The following TP53TG5 variants were observed in gnomAD, a reference collection of about 807,000 sequenced individuals.
The protein encoded by TP53TG5 is TP53-target gene 5 protein.
In TP53TG5, 17 loss-of-function variants were observed where a neutral mutation model predicts 30.0. That is an observed-to-expected ratio of 0.57 (90% confidence interval 0.39 to 0.85). The LOEUF (loss-of-function observed/expected upper bound fraction) is 0.85, where lower values mean the gene tolerates loss of function less well. TP53TG5 is among the 40% of genes least tolerant of loss of function. The probability of loss-of-function intolerance (pLI) is 0.00; values close to 1 mark genes in which losing one functional copy is unlikely to be tolerated. For synonymous variants in TP53TG5, 137 were observed against 139.2 expected (o/e 0.98, Z 0.11); for missense variants, 338 against 367.9 (o/e 0.92, Z 0.67).
intron 4 of TP53TG5, 135 bp from the exon 5 acceptor site, chr20:45,374,146 T>C: frequency 2.5e-6 from 2 of 789,036 alleles, no homozygotes; most frequent in Non-Finnish European, 4.3e-6. Context: ...AGGAAAAGCC[T>C]CCCTTTAAGC....
Sources: allele counts gnomAD v4.1 joint callset, GRCh38; gene constraint gnomAD v4.1.1; transcripts MANE v1.5; gene names NCBI Gene and HGNC (gene_info 2026-07-23, HGNC 2026-07-21).